Variants in RNGTT observed in about 807,000 individuals in gnomAD.
The protein encoded by RNGTT is RNA guanylyltransferase and 5'-phosphatase, also known as mRNA-capping enzyme.
RNGTT carries 33 observed loss-of-function variants against 79.3 expected under a neutral mutation model. That is an observed-to-expected ratio of 0.42 (90% CI 0.32 to 0.56). The LOEUF (loss-of-function observed/expected upper bound fraction) is 0.56, where lower values mean the gene tolerates loss of function less well. Ranked by LOEUF, RNGTT falls within the 20% of genes least tolerant of loss-of-function variation. The pLI is 0.17. For synonymous variants in RNGTT, 222 were observed against 235.9 expected (o/e 0.94, Z 0.54); for missense variants, 497 against 739.1 (o/e 0.67, Z 3.80).
chr6:88,899,942 T>TA (rs1783389435), intron 6 of RNGTT, among the ~76,000 whole-genome samples: 1 of 152,098 alleles, frequency 6.6e-6, no homozygotes, highest in Middle Eastern at 3.2e-3. Flanking sequence ...AGAGCAAAAA[T>TA]AGACCACTGC....
chr6:88,741,069 C>A (rs756276609), intron 13 of RNGTT, among the ~76,000 whole-genome samples: 23 of 152,094 alleles, frequency 1.5e-4, no homozygotes, highest in Non-Finnish European at 1.8e-4. Context: ...ACAGAATCAT[C>A]ATTTGACCCA....
At chr6:88,668,225 C>T (rs1182692117) in intron 14 of RNGTT, among the ~76,000 whole-genome samples, 1 of 152,152 alleles carries the variant, frequency 6.6e-6, no homozygotes, top group Non-Finnish European at 1.5e-5. Flanking sequence ...CCTGACCACT[C>T]CCACCACCAT....
At chr6:88,891,762 A>C in intron 7 of RNGTT, 44 bp downstream of exon 7, 1 of 1,309,188 alleles carries the variant, frequency 7.6e-7, no homozygotes, top group South Asian at 1.5e-5. Flanking sequence ...AAGTGTTGTA[A>C]AATAAGAGCA....
intron 13 of RNGTT, among the ~76,000 whole-genome samples, chr6:88,705,468 T>C (rs1776098278): frequency 6.6e-6 from 1 of 152,110 alleles, no homozygotes; most frequent in African/African-American, 2.4e-5. Context: ...AGTTCTGACA[T>C]GATCTGAACA....
intron 13 of RNGTT, among the ~76,000 whole-genome samples, chr6:88,731,603 A>C (rs1439272207): frequency 1.3e-5 from 2 of 152,222 alleles, no homozygotes; most frequent in Non-Finnish European, 2.9e-5. Flanking sequence ...AAAAATAAAC[A>C]AACTGGACTT....
chr6:88,752,968 G>T (rs995631624), intron 13 of RNGTT, among the ~76,000 whole-genome samples: 1 of 151,688 alleles, frequency 6.6e-6, no homozygotes, highest in Non-Finnish European at 1.5e-5. Flanking sequence ...GATTCTAAAA[G>T]CAAAAAATGT....
chr6:88,637,048 A>G (rs1209987621), intron 14 of RNGTT, among the ~76,000 whole-genome samples: 1 of 152,146 alleles, frequency 6.6e-6, no homozygotes, highest in Non-Finnish European at 1.5e-5. Context: ...AGTGCTCAGA[A>G]TCTGCCAGAT....
At chr6:88,894,496 T>C (rs959286544) in intron 6 of RNGTT, among the ~76,000 whole-genome samples, 1 of 152,218 alleles carries the variant, frequency 6.6e-6, no homozygotes, top group African/African-American at 2.4e-5. Flanking sequence ...GTACCTAACA[T>C]AAACAGCTTA....
intron 1 of RNGTT, among the ~76,000 whole-genome samples, chr6:88,955,724 C>T (rs1417076264): frequency 6.6e-6 from 1 of 151,714 alleles, no homozygotes; most frequent in African/African-American, 2.4e-5. Flanking sequence ...CAAAAAATAC[C>T]AAACATCCAC....
chr6:88,916,945 T>C (rs571420184), intron 4 of RNGTT, among the ~76,000 whole-genome samples: 2 of 152,366 alleles, frequency 1.3e-5, no homozygotes, highest in East Asian at 1.9e-4. Context: ...GATGTGATTG[T>C]ACTTACTTGT....
intron 13 of RNGTT, among the ~76,000 whole-genome samples, chr6:88,730,627 C>T (rs1777077469): frequency 6.6e-6 from 1 of 152,226 alleles, no homozygotes. Context: ...GGAGCTCAGG[C>T]GGTAATGCTC....
intron 14 of RNGTT, among the ~76,000 whole-genome samples, chr6:88,647,087 G>A (rs963934616): frequency 6.6e-6 from 1 of 151,960 alleles, no homozygotes; most frequent in African/African-American, 2.4e-5. Flanking sequence ...TTGAACCATT[G>A]AGGCCGGGGA....
intron 8 of RNGTT, among the ~76,000 whole-genome samples, chr6:88,859,285 G>A (rs988277443): frequency 6.6e-6 from 1 of 151,662 alleles, no homozygotes; most frequent in African/African-American, 2.4e-5. Context: ...TTCAAACCCA[G>A]GAGATATATA....
chr6:88,837,320 C>T (rs908830964), intron 11 of RNGTT, among the ~76,000 whole-genome samples: 1 of 152,014 alleles, frequency 6.6e-6, no homozygotes, highest in Non-Finnish European at 1.5e-5. Context: ...TCACTTGAGC[C>T]CAGGAGTTCA....
At chr6:88,773,435 C>T (rs1206629076) in intron 12 of RNGTT, among the ~76,000 whole-genome samples, 3 of 148,762 alleles carry the variant, frequency 2.0e-5, no homozygotes, top group African/African-American at 5.0e-5. Context: ...CTAACCTGCA[C>T]ATTGTGCACA....
intron 13 of RNGTT, among the ~76,000 whole-genome samples, chr6:88,725,131 C>A (rs1776845697): frequency 6.6e-6 from 1 of 152,236 alleles, no homozygotes; most frequent in Admixed American, 6.5e-5. Context: ...AATTCCGGGG[C>A]TGGCCGGGGA....
intron 9 of RNGTT, among the ~76,000 whole-genome samples, chr6:88,850,671 A>G (rs947860075): frequency 1.3e-5 from 2 of 152,010 alleles, no homozygotes; most frequent in African/African-American, 4.8e-5. Flanking sequence ...AAGCCTAAGT[A>G]CAAGGAGTGT....
intron 14 of RNGTT, among the ~76,000 whole-genome samples, chr6:88,651,265 T>C (rs1007648890): frequency 6.6e-6 from 1 of 152,104 alleles, no homozygotes; most frequent in African/African-American, 2.4e-5. Context: ...ACTATAATAA[T>C]ATACTATATA....
intron 12 of RNGTT, among the ~76,000 whole-genome samples, chr6:88,792,016 T>G (rs760033222): frequency 6.6e-6 from 1 of 152,156 alleles, no homozygotes; most frequent in African/African-American, 2.4e-5. Flanking sequence ...GTCCTAAAAT[T>G]AGAAAAGACA....
Sources: gnomAD v4.1 joint callset for allele counts (sites outside exome capture counted in the v4.1 genomes callset) on GRCh38, gnomAD v4.1.1 for gene constraint, MANE v1.5 for transcripts, NCBI Gene and HGNC (gene_info 2026-07-23, HGNC 2026-07-21) for gene names.